The following EPHA5 variants were observed in gnomAD, a reference collection of about 807,000 sequenced individuals.
The protein encoded by EPHA5 is EPH receptor A5.
EPHA5 carries 60 observed loss-of-function variants against 105.0 expected under a neutral mutation model. That is an observed-to-expected ratio of 0.57 (90% CI 0.46 to 0.71). The LOEUF is 0.71. Among genes scored for constraint, EPHA5 ranks in the 30% least tolerant of loss-of-function variants. EPHA5 has a pLI of 0.00. For missense variants in EPHA5, 1,218 were observed against 1,274.7 expected, an observed-to-expected ratio of 0.96 and a Z score of 0.68; for synonymous variants, 513 against 449.1, an observed-to-expected ratio of 1.14 and a Z score of -1.80.
intron 7 of EPHA5, among the ~76,000 whole-genome samples, chr4:65,409,589 G>T (rs1257642447): frequency 6.6e-6 from 1 of 152,196 alleles, no homozygotes; most frequent in African/African-American, 2.4e-5. Context: ...TATGTGTGAA[G>T]AGTTCATCAC....
chr4:65,642,681 G>T (rs962656319), intron 2 of EPHA5, among the ~76,000 whole-genome samples: 1 of 151,634 alleles, frequency 6.6e-6, no homozygotes, highest in Non-Finnish European at 1.5e-5. Flanking sequence ...CACACATCTG[G>T]TTTACTCATT....
intron 5 of EPHA5, among the ~76,000 whole-genome samples, chr4:65,482,975 A>AG (rs1730526233): frequency 6.6e-6 from 1 of 151,850 alleles, no homozygotes; most frequent in Non-Finnish European, 1.5e-5. Flanking sequence ...CTCGTCATTT[A>AG]CATTAGGTAT....
At chr4:65,538,643 G>A (rs554561048) in intron 3 of EPHA5, among the ~76,000 whole-genome samples, 67 of 151,736 alleles carry the variant, frequency 4.4e-4, no homozygotes, top group African/African-American at 1.6e-3. Flanking sequence ...GTGACTCCTA[G>A]ATGTAGTCTT....
At chr4:65,605,820 T>C (rs542323555) in intron 2 of EPHA5, among the ~76,000 whole-genome samples, 148 of 152,174 alleles carry the variant, frequency 9.7e-4, no homozygotes, top group Non-Finnish European at 1.7e-3. Flanking sequence ...TAAGCTGAGA[T>C]CCAATCTCTG....
intron 2 of EPHA5, among the ~76,000 whole-genome samples, chr4:65,609,258 T>C (rs1049961040): frequency 1.3e-5 from 2 of 152,162 alleles, no homozygotes; most frequent in African/African-American, 4.8e-5. Flanking sequence ...ATCATTTGAA[T>C]CAAAACCTTG....
At chr4:65,382,391 G>T (rs79113909) in intron 8 of EPHA5, among the ~76,000 whole-genome samples, 13 of 151,244 alleles carry the variant, frequency 8.6e-5, no homozygotes, top group Non-Finnish European at 1.9e-4. Context: ...CTTCCTCCAC[G>T]AATGCCACAG....
chr4:65,493,748 C>A (rs1731649186), intron 4 of EPHA5, among the ~76,000 whole-genome samples: 1 of 151,792 alleles, frequency 6.6e-6, no homozygotes, highest in Admixed American at 6.6e-5. Flanking sequence ...TCCTTGCCAC[C>A]AAAGTACAGC....
At chr4:65,332,620 G>A (rs762562688) in intron 15 of EPHA5, among the ~76,000 whole-genome samples, 20 of 151,476 alleles carry the variant, frequency 1.3e-4, no homozygotes, top group Non-Finnish European at 7.4e-5. Flanking sequence ...TGGGGTGGTG[G>A]GGGGTGGGGG....
chr4:65,610,911 G>T (rs754223128), intron 2 of EPHA5, among the ~76,000 whole-genome samples: 5 of 152,244 alleles, frequency 3.3e-5, no homozygotes, highest in African/African-American at 9.6e-5. Flanking sequence ...CTCCCACTAT[G>T]TATTTTTCAT....
chr4:65,519,445 G>T (rs1402409446), intron 3 of EPHA5, among the ~76,000 whole-genome samples: 4 of 152,070 alleles, frequency 2.6e-5, no homozygotes, highest in African/African-American at 9.7e-5. Flanking sequence ...AAAACGGGAA[G>T]CATTTCCTTT....
chr4:65,501,025 T>C lies in EPHA5; in HGVS notation c.911-5482A>G, dbSNP rs1732433533. Reference sequence around the variant, plus strand: ...CTATCATATGTGAATTATCAGAGGATATAAGCTAAGCTAAGTGAATTATAT... The same window carrying C: ...CTATCATATGTGAATTATCAGAGGACATAAGCTAAGCTAAGTGAATTATAT... On this transcript the variant is annotated intron_variant, in intron 3 of 16. Coordinates refer to ENST00000613740, the MANE Select transcript of EPHA5 (RefSeq NM_001281766.3). Among the ~76,000 whole-genome samples the C allele has an allele frequency of 2.0e-5, 3 of 151,446 alleles. No homozygotes were observed. The South Asian group carries it at 6.2e-4, about 31-fold the overall frequency.
At chr4:65,504,468 A>T (rs1732807252) in intron 3 of EPHA5, among the ~76,000 whole-genome samples, 1 of 151,782 alleles carries the variant, frequency 6.6e-6, no homozygotes, top group Non-Finnish European at 1.5e-5. Context: ...ATACATTTCT[A>T]AACTATTCAC....
intron 5 of EPHA5, among the ~76,000 whole-genome samples, chr4:65,464,101 A>T (rs1002992054): frequency 6.6e-6 from 1 of 151,892 alleles, no homozygotes; most frequent in Non-Finnish European, 1.5e-5. Flanking sequence ...AGAACAAAAA[A>T]CTGTAGTACC....
intron 2 of EPHA5, among the ~76,000 whole-genome samples, chr4:65,608,836 T>A (rs12507181): frequency 0.91 from 137,816 of 152,254 alleles, 62,444 homozygotes; most frequent in Admixed American, 0.92. Flanking sequence ...AATTAGGGCC[T>A]AATTAATGTC....
intron 3 of EPHA5, among the ~76,000 whole-genome samples, chr4:65,519,132 T>A (rs1278978194): frequency 6.6e-6 from 1 of 152,096 alleles, no homozygotes; most frequent in Non-Finnish European, 1.5e-5. Context: ...CAAGTGGGCT[T>A]CATCCCTGGG....
intron 5 of EPHA5, among the ~76,000 whole-genome samples, chr4:65,457,150 A>G (rs1013682104): frequency 1.3e-5 from 2 of 152,204 alleles, no homozygotes; most frequent in Non-Finnish European, 2.9e-5. Context: ...TCCTCCAGTA[A>G]GAATGAGTGG....
chr4:65,446,253 T>A (rs188381147), intron 5 of EPHA5, among the ~76,000 whole-genome samples: 1 of 152,228 alleles, frequency 6.6e-6, no homozygotes, highest in South Asian at 2.1e-4. Flanking sequence ...TGTCTTAGTA[T>A]GAATAACTTT....
rs147036104 is a variant in EPHA5, at chr4:65,617,613, T to C, written c.247-15309A>G. Among the ~76,000 whole-genome samples, 16 of 152,288 alleles carry C rather than the reference T, an allele frequency of 1.1e-4. No individual in the cohort carries two copies. In the East Asian group the frequency reaches 2.9e-3, roughly 28 times the overall value. On this transcript the variant is annotated intron_variant, in intron 2 of 16. Coordinates refer to ENST00000613740, the MANE Select transcript of EPHA5 (RefSeq NM_001281766.3). ...CAAAGAACACTTGGCATGTCAACTC[T>C]GAAATGTTGCCAGCCTTTTGGTCTG...
intron 5 of EPHA5, among the ~76,000 whole-genome samples, chr4:65,425,055 A>G (rs1038560040): frequency 6.6e-6 from 1 of 152,072 alleles, no homozygotes; most frequent in Non-Finnish European, 1.5e-5. Flanking sequence ...AAAATAAATA[A>G]ATAAAACTCC....
Sources: allele counts gnomAD v4.1 joint callset (sites outside exome capture counted in the v4.1 genomes callset), GRCh38; gene constraint gnomAD v4.1.1; transcripts MANE v1.5; gene names NCBI Gene and HGNC (gene_info 2026-07-23, HGNC 2026-07-21).